STXBP5: variants seen among roughly 807,000 people sequenced by gnomAD.
The protein encoded by STXBP5 is syntaxin binding protein 5, also known as syntaxin-binding protein 5.
Under a neutral mutation model 152.4 loss-of-function variants are expected in STXBP5, and 50 were observed. The observed-to-expected ratio is 0.33, with a 90% CI of 0.26 to 0.42. The LOEUF is 0.42. Ranked by LOEUF, STXBP5 falls within the 10% of genes least tolerant of loss-of-function variation. The pLI is 1.00. For missense variants in STXBP5, 1,167 were observed against 1,388.6 expected (o/e 0.84, Z 2.54); for synonymous variants, 492 against 494.7 (o/e 0.99, Z 0.07).
chr6:147,271,314 A>G (rs548266324), intron 7 of STXBP5, among the ~76,000 whole-genome samples: 2 of 152,308 alleles, frequency 1.3e-5, no homozygotes, highest in South Asian at 4.1e-4. Context: ...CTATATTAAT[A>G]TCAACCAAGT....
At chr6:147,206,214 T>G (rs1776549507) in intron 2 of STXBP5, 146 bp downstream of exon 2, 1 of 649,082 alleles carries the variant, frequency 1.5e-6, no homozygotes, top group South Asian at 2.3e-5. Context: ...GGCTTTTCCC[T>G]TGATTATAAT....
At chr6:147,239,417 GA>G in intron 4 of STXBP5, 147 bp downstream of exon 4, 2 of 620,026 alleles carry the variant, frequency 3.2e-6, no homozygotes, top group South Asian at 6.1e-5. Flanking sequence ...ATAAAAGCAA[GA>G]TTCCTTCTTT....
intron 8 of STXBP5, among the ~76,000 whole-genome samples, chr6:147,289,267 G>C (rs1376899011): frequency 6.6e-6 from 1 of 152,156 alleles, no homozygotes; most frequent in Non-Finnish European, 1.5e-5. Context: ...GATATTCACT[G>C]TATCATCTTG....
intron 27 of STXBP5, among the ~76,000 whole-genome samples, chr6:147,384,126 C>T (rs1320640314): frequency 2.0e-5 from 3 of 152,140 alleles, no homozygotes; most frequent in Non-Finnish European, 4.4e-5. Context: ...ATTTCAGAGT[C>T]TAAGGAAGAC....
intron 2 of STXBP5, among the ~76,000 whole-genome samples, chr6:147,230,422 G>A (rs1777939733): frequency 1.3e-5 from 2 of 151,706 alleles, no homozygotes; most frequent in South Asian, 4.1e-4. Flanking sequence ...CATGAAAAAT[G>A]ACTGTAGTAT....
chr6:147,216,748 TTG>T (rs1478564293), intron 2 of STXBP5, among the ~76,000 whole-genome samples: 2 of 152,204 alleles, frequency 1.3e-5, no homozygotes, highest in African/African-American at 4.8e-5. Flanking sequence ...TTTATATTTA[TTG>T]GAGCTATGAT....
intron 21 of STXBP5, among the ~76,000 whole-genome samples, chr6:147,344,872 TATG>T (rs1243096963): frequency 7.2e-5 from 11 of 152,184 alleles, no homozygotes; most frequent in African/African-American, 2.2e-4. Flanking sequence ...AGAGTTTAAT[TATG>T]ATGTTATTTA....
intron 2 of STXBP5, among the ~76,000 whole-genome samples, chr6:147,212,429 A>G (rs931456924): frequency 6.6e-6 from 1 of 152,222 alleles, no homozygotes; most frequent in Non-Finnish European, 1.5e-5. Flanking sequence ...CCTTATTATT[A>G]GGAGATTCTT....
intron 7 of STXBP5, among the ~76,000 whole-genome samples, chr6:147,268,300 G>A (rs1779992207): frequency 6.6e-6 from 1 of 152,094 alleles, no homozygotes; most frequent in Non-Finnish European, 1.5e-5. Flanking sequence ...CATGTCTGGT[G>A]GCCATAATTT....
Position 147,359,179 on chromosome 6 carries a change from G to C in STXBP5, c.2401G>C (p.Glu801Gln). 1 of 1,614,044 alleles carries C rather than the reference G, an allele frequency of 6.2e-7. No homozygotes were observed. Among genetic ancestry groups the C allele is most frequent in the Non-Finnish European group, 8.5e-7 (1 of 1,179,942 alleles). ...REAISALHFC[E>Q]TFTRKTDSSP... ...AGCGATCTCCGCTCTTCATTTCTGTGAAACGTTTACTCGAAAGACGGACTC... is the reference window on the plus strand; with the variant it reads ...AGCGATCTCCGCTCTTCATTTCTGTCAAACGTTTACTCGAAAGACGGACTC... Residue 801 changes from glutamate to glutamine, a missense_variant, in exon 23 of 28, where the codon GAA becomes CAA. Physicochemically the swap from Glu to Gln is conservative, Grantham distance 29. This residue lies in a region of STXBP5 where 833 missense variants were observed against 986.3 expected (regional missense o/e 0.84). Transcript: ENST00000321680.
At chr6:147,312,195 A>T (rs1288044275) in intron 11 of STXBP5, among the ~76,000 whole-genome samples, 1 of 152,122 alleles carries the variant, frequency 6.6e-6, no homozygotes, top group East Asian at 1.9e-4. Context: ...CAACCTTCTT[A>T]TCTTTTTCGG....
At chr6:147,327,457 CT>C (rs989607127) in intron 18 of STXBP5, among the ~76,000 whole-genome samples, 181 bp downstream of exon 18, 19 of 151,086 alleles carry the variant, frequency 1.3e-4, no homozygotes, top group African/African-American at 4.1e-4. Flanking sequence ...TGTGGTTTTG[CT>C]TTTTTTTTGA....
chr6:147,373,599 T>C, intron 25 of STXBP5, 132 bp from the exon 26 acceptor site: 2 of 634,612 alleles, frequency 3.2e-6, no homozygotes, highest in Non-Finnish European at 5.6e-6. Flanking sequence ...TCGTAGGACA[T>C]GTACTCATTA....
chr6:147,321,566 T>C (rs1415507473), intron 16 of STXBP5, among the ~76,000 whole-genome samples: 1 of 152,186 alleles, frequency 6.6e-6, no homozygotes, highest in East Asian at 1.9e-4. Context: ...AGTGAGTTTC[T>C]GTCTCTTAAA....
At chr6:147,289,000 T>C (rs527675932) in intron 8 of STXBP5, among the ~76,000 whole-genome samples, 44 of 152,264 alleles carry the variant, frequency 2.9e-4, no homozygotes, top group African/African-American at 7.2e-4. Flanking sequence ...GAGGCTTCCC[T>C]CTGTTTTCCA....
rs981114892 is a variant in STXBP5 at position 147,386,518 on chromosome 6, A to T, written c.*1763A>T. On this transcript the variant is annotated 3_prime_UTR_variant, in exon 28 of 28. Coordinates refer to ENST00000321680, the MANE Select transcript of STXBP5 (RefSeq NM_001127715.4). ...ATTTGGTAGGGACTAAATGTGTGTGATAGAGATAATTGATCAAGCCAAAAG... is the reference window on the plus strand; with the variant it reads ...ATTTGGTAGGGACTAAATGTGTGTGTTAGAGATAATTGATCAAGCCAAAAG... 1 of 151,780 alleles carries T rather than the reference A, an allele frequency of 6.6e-6. No individual in the cohort carries two copies. The highest frequency in any genetic ancestry group is 2.1e-4 in the South Asian group (1 of 4,820). The allele number at this position is 151,780 out of a possible 1,614,324, so 9.4% of individuals were successfully genotyped here.
chr6:147,322,197 C>CCACT (rs1436987524), intron 16 of STXBP5, among the ~76,000 whole-genome samples: 2 of 152,172 alleles, frequency 1.3e-5, no homozygotes, highest in Non-Finnish European at 2.9e-5. Flanking sequence ...AGAAGATAGA[C>CCACT]CACTCAGACC....
intron 4 of STXBP5, among the ~76,000 whole-genome samples, chr6:147,256,828 TATG>T (rs1352909212): frequency 6.6e-6 from 1 of 152,178 alleles, no homozygotes; most frequent in South Asian, 2.1e-4. Flanking sequence ...TGTAAGATAT[TATG>T]ATATTTGCTG....
At chr6:147,259,643 T>A in intron 4 of STXBP5, among the ~76,000 whole-genome samples, 1 of 152,178 alleles carries the variant, frequency 6.6e-6, no homozygotes, top group East Asian at 1.9e-4. Context: ...CTAATGTTAG[T>A]ATTGACAGGC....
Sources: gnomAD v4.1 joint callset for allele counts (sites outside exome capture counted in the v4.1 genomes callset) on GRCh38, gnomAD v4.1.1 for gene constraint, gnomAD v4.1.1 regional missense constraint, MANE v1.5 for transcripts, NCBI Gene and HGNC (gene_info 2026-07-23, HGNC 2026-07-21) for gene names.